Variants in PLCB4 observed in about 807,000 individuals in gnomAD.
PLCB4 encodes the protein 1-phosphatidylinositol 4,5-bisphosphate phosphodiesterase beta-4.
A neutral mutation model predicts 178.8 loss-of-function variants in PLCB4; 77 were observed. That is an observed-to-expected ratio of 0.43 (90% CI 0.36 to 0.52). The LOEUF is 0.52. PLCB4 is among the 20% of genes least tolerant of loss of function. The pLI, the probability that PLCB4 is intolerant of heterozygous loss-of-function variation, is 0.00. For synonymous variants in PLCB4, 496 were observed against 490.8 expected, an observed-to-expected ratio of 1.01 and a Z score of -0.14; for missense variants, 1,024 against 1,453.4, an observed-to-expected ratio of 0.70 and a Z score of 4.80.
At chr20:9,115,598 GC>G (rs1435086394) in intron 2 of PLCB4, among the ~76,000 whole-genome samples, 1 of 114,270 alleles carries the variant, frequency 8.8e-6, no homozygotes, top group African/African-American at 3.5e-5. Context: ...CCCACAACAG[GC>G]CCTGGTGTGT....
At chr20:9,203,621 A>G (rs1349806719) in intron 2 of PLCB4, among the ~76,000 whole-genome samples, 1 of 152,136 alleles carries the variant, frequency 6.6e-6, no homozygotes, top group Admixed American at 6.5e-5. Flanking sequence ...GTATTATTCC[A>G]TTTAACTTCA....
At chr20:9,181,664 T>C (rs914566300) in intron 2 of PLCB4, among the ~76,000 whole-genome samples, 3 of 152,038 alleles carry the variant, frequency 2.0e-5, no homozygotes, top group Admixed American at 2.0e-4. Context: ...TATAATGCTG[T>C]AAATCCCATC....
At chr20:9,347,293 G>C (rs2033897631) in intron 7 of PLCB4, among the ~76,000 whole-genome samples, 1 of 152,102 alleles carries the variant, frequency 6.6e-6, no homozygotes, top group Non-Finnish European at 1.5e-5. Flanking sequence ...TTGTTTTCAT[G>C]TCCATTTAAT....
chr20:9,453,450 TGAA>T lies in PLCB4; in HGVS notation c.2992_2994del (p.Lys998del), dbSNP rs765345911. 8.9e-6 allele frequency: 14 copies of T among 1,578,976 alleles called. No homozygotes were observed. The highest frequency in any genetic ancestry group is 1.3e-5 in the African/African-American group (1 of 74,352). ...CATGAGAAAATCCTAGAGAAGGCAA[TGAA>T]GAAGAAGGGGTAATACTGTTTATTT... On this transcript the variant is annotated inframe_deletion, in exon 33 of 40. Coordinates refer to ENST00000378473, the MANE Select transcript of PLCB4 (RefSeq NM_001377142.1).
chr20:9,361,079 A>G (rs1008097964), intron 7 of PLCB4, among the ~76,000 whole-genome samples: 5 of 152,256 alleles, frequency 3.3e-5, no homozygotes, highest in Non-Finnish European at 5.9e-5. Context: ...TGGTGGGGGA[A>G]AAATGGTATG....
intron 3 of PLCB4, among the ~76,000 whole-genome samples, chr20:9,228,279 G>A (rs1404449117): frequency 6.6e-6 from 1 of 152,174 alleles, no homozygotes; most frequent in Non-Finnish European, 1.5e-5. Flanking sequence ...TGTGATACAG[G>A]CATCAAAATC....
At chr20:9,291,444 C>A (rs1322469656) in intron 3 of PLCB4, among the ~76,000 whole-genome samples, 1 of 152,084 alleles carries the variant, frequency 6.6e-6, no homozygotes, top group Non-Finnish European at 1.5e-5. Context: ...AAAGGTGACA[C>A]TTTTAATATA....
chr20:9,350,833 C>T (rs2034263819), intron 7 of PLCB4, among the ~76,000 whole-genome samples: 1 of 152,210 alleles, frequency 6.6e-6, no homozygotes, highest in East Asian at 1.9e-4. Flanking sequence ...TGTTGGGTTA[C>T]AGGCGTGAGC....
intron 2 of PLCB4, among the ~76,000 whole-genome samples, chr20:9,104,869 G>A (rs1165107260): frequency 1.3e-5 from 2 of 151,784 alleles, no homozygotes; most frequent in Admixed American, 1.3e-4. Context: ...TCATCATACA[G>A]TTTAACTGTA....
At chr20:9,437,264 C>A in intron 30 of PLCB4, 112 bp downstream of exon 30, 2 of 953,992 alleles carry the variant, frequency 2.1e-6, no homozygotes, top group Non-Finnish European at 3.1e-6. Flanking sequence ...TGGGAAAGAA[C>A]CTTTTACATA....
At chr20:9,299,076 A>G (rs1405408075) in intron 3 of PLCB4, among the ~76,000 whole-genome samples, 2 of 152,176 alleles carry the variant, frequency 1.3e-5, no homozygotes, top group Admixed American at 1.3e-4. Context: ...TTACTAAGTA[A>G]TGAATAAGGA....
Position 9,390,613 on chromosome 20 carries a change from C to T in PLCB4, c.1321C>T (p.Pro441Ser). 1 of 1,460,618 alleles carries T rather than the reference C, an allele frequency of 6.8e-7. No individual in the cohort carries two copies. The highest frequency in any genetic ancestry group is 9.6e-7 in the Non-Finnish European group (1 of 1,040,782). 90.5% of individuals were successfully genotyped at this position (1,460,618 alleles called of 1,614,324 possible). A position where few individuals can be genotyped will look rare whatever the true frequency, so the allele number is the denominator to read the frequency against. Residue 441 changes from proline (P) to serine (S), a missense_variant and splice_region_variant, in exon 17 of 40, where the codon CCA (proline) becomes TCA (serine). Transcript: ENST00000378473. ...LLLKQALESH[P>S]LEPGRALPSP... ...GTTGAAACAAGCACTTGAATCACAT[C>T]CAGTATGTATTTTTAACAAACCATA...
intron 3 of PLCB4, among the ~76,000 whole-genome samples, chr20:9,261,597 G>T (rs2094298332): frequency 6.6e-6 from 1 of 152,192 alleles, no homozygotes; most frequent in Non-Finnish European, 1.5e-5. Context: ...AATTGGGAAT[G>T]AATATATCTT....
intron 4 of PLCB4, among the ~76,000 whole-genome samples, chr20:9,309,220 G>T (rs112962941): frequency 2.0e-5 from 3 of 152,026 alleles, no homozygotes; most frequent in African/African-American, 7.2e-5. Context: ...AACATACAGC[G>T]TATGTTCAAC....
chr20:9,300,086 G>T (rs939801173), intron 3 of PLCB4, among the ~76,000 whole-genome samples: 1 of 152,180 alleles, frequency 6.6e-6, no homozygotes, highest in Admixed American at 6.6e-5. Flanking sequence ...AAAAGCCCTG[G>T]ATGATCTGAT....
Position 9,423,730 on chromosome 20 carries a change from G to A in PLCB4, c.2320-18G>A. ...CGCTGCATTGGAAAAATCAGTGAAA[G>A]TCCTGTTCTGTTTGCAGGTGATCCT... On this transcript the variant is annotated intron_variant, in intron 27 of 39. Coordinates refer to ENST00000378473, the MANE Select transcript of PLCB4 (RefSeq NM_001377142.1). 2 of 1,605,726 alleles carry A rather than the reference G, an allele frequency of 1.2e-6. No individual in the cohort carries two copies. The highest frequency in any genetic ancestry group is 1.7e-5 in the Admixed American group (1 of 59,818).
At chr20:9,374,232 A>T (rs1295722349) in intron 12 of PLCB4, among the ~76,000 whole-genome samples, 2 of 152,190 alleles carry the variant, frequency 1.3e-5, no homozygotes. Flanking sequence ...CCCACATATC[A>T]GACAGATGCC....
chr20:9,469,619 A>C (rs2044043506), intron 36 of PLCB4, among the ~76,000 whole-genome samples: 1 of 152,258 alleles, frequency 6.6e-6, no homozygotes, highest in African/African-American at 2.4e-5. Context: ...GGTCTCACCT[A>C]GGGTCCCAGT....
At chr20:9,283,904 A>C (rs2094515521) in intron 3 of PLCB4, among the ~76,000 whole-genome samples, 1 of 151,966 alleles carries the variant, frequency 6.6e-6, no homozygotes, top group Non-Finnish European at 1.5e-5. Context: ...CCAACACTTA[A>C]GGCCACTGTC....
Sources: allele counts gnomAD v4.1 joint callset (sites outside exome capture counted in the v4.1 genomes callset), GRCh38; gene constraint gnomAD v4.1.1; transcripts MANE v1.5; gene names NCBI Gene and HGNC (gene_info 2026-07-23, HGNC 2026-07-21).